The following CATSPERD variants were observed in gnomAD, a reference collection of about 807,000 sequenced individuals.
CATSPERD encodes cation channel sperm-associated auxiliary subunit delta.
CATSPERD carries 86 observed loss-of-function variants against 98.1 expected under a neutral mutation model. That is an observed-to-expected ratio of 0.88 (90% CI 0.74 to 1.05). The LOEUF (loss-of-function observed/expected upper bound fraction) is 1.05. Ranked by LOEUF, CATSPERD falls within the 50% of genes least tolerant of loss-of-function variation. The pLI, the probability that CATSPERD is intolerant of heterozygous loss-of-function variation, is 0.00. For missense variants in CATSPERD, 995 were observed against 1,005.7 expected (o/e 0.99, Z 0.14); for synonymous variants, 394 against 390.2 (o/e 1.01, Z -0.12).
At chr19:5,738,048 A>G (rs1162692318) in intron 6 of CATSPERD, among the ~76,000 whole-genome samples, 1 of 152,004 alleles carries the variant, frequency 6.6e-6, no homozygotes, top group East Asian at 1.9e-4. Flanking sequence ...AACAACGTAT[A>G]GGTTAGAGGT....
At position 5,768,225 on chromosome 19, in the gene CATSPERD, C is replaced by G. The variant is rs776796799; in HGVS notation, c.1617C>G (p.Tyr539Ter). 19 of 1,613,300 alleles carry G rather than the reference C, an allele frequency of 1.2e-5. No individual in the cohort carries two copies. Among genetic ancestry groups the G allele is most frequent in the Non-Finnish European group, 1.4e-5 (17 of 1,179,504 alleles). ...ACCCCTTGACCCTGCAAGACAATTA[C>G]AGCTTCATCATCGAGAAGTAAGCCA... ...ILDPLTLQDN[Y>*]SFIIEKEFYD... Residue 539 changes from tyrosine (Y) to a stop codon, truncating the protein, a stop_gained, in exon 18 of 22, where the codon TAC (tyrosine) becomes TAG (stop). Coordinates refer to ENST00000381624, the MANE Select transcript of CATSPERD (RefSeq NM_152784.4). LOFTEE classifies it high-confidence loss of function.
chr19:5,766,118 G>T lies in CATSPERD; in HGVS notation c.1522G>T (p.Val508Phe). 6.2e-7 allele frequency: 1 copy of T among 1,613,182 alleles called. No individual in the cohort carries two copies. The highest frequency in any genetic ancestry group is 1.6e-4 in the Middle Eastern group (1 of 6,062). ...TCCTCTGCAGTCGACACTGATTTCA[G>T]TTGGCTGCGACCTGGATAAAAAGAT... ...DIKPLSTLIS[V>F]GCDLDKKIVI... is the part of the protein sequence containing the mutation. Residue 508 changes from valine (V) to phenylalanine (F), a missense_variant, in exon 17 of 22, where the codon GTT becomes TTT. Physicochemically the swap from Val to Phe is conservative, Grantham distance 50. Transcript: ENST00000381624.
chr19:5,762,987 G>A (rs1296581617), intron 15 of CATSPERD, among the ~76,000 whole-genome samples: 2 of 151,224 alleles, frequency 1.3e-5, no homozygotes, highest in Admixed American at 1.3e-4. Flanking sequence ...GTGGGTGGAT[G>A]GAATGGATGG....
intron 4 of CATSPERD, among the ~76,000 whole-genome samples, chr19:5,732,850 G>C (rs2055755025): frequency 6.6e-6 from 1 of 151,740 alleles, no homozygotes; most frequent in Non-Finnish European, 1.5e-5. Context: ...TAATTTTTTT[G>C]TATTTTTAGT....
At position 5,724,875 on chromosome 19, in the gene CATSPERD, A is replaced by G. The variant is rs201888644; in HGVS notation, c.126+13A>G. ...GGACGTTCAAGGGGTATGTGGCTCC[A>G]TGCTTAAATTCATCCTTCACTTTTG... On this transcript the variant is annotated intron_variant, in intron 2 of 21. Transcript: ENST00000381624. 1.1e-4 allele frequency: 179 copies of G among 1,613,330 alleles called. No homozygotes were observed. In the African/African-American group the frequency reaches 2.1e-3, roughly 19 times the overall value.
intron 18 of CATSPERD, 127 bp from the exon 19 acceptor site, chr19:5,770,817 C>G: frequency 8.8e-7 from 1 of 1,136,664 alleles, no homozygotes. Context: ...TCGCCCACCT[C>G]AGATGCCACC....
intron 5 of CATSPERD, among the ~76,000 whole-genome samples, chr19:5,736,414 C>T (rs950571768): frequency 6.6e-6 from 1 of 152,112 alleles, no homozygotes; most frequent in African/African-American, 2.4e-5. Flanking sequence ...GCTGAGAAAC[C>T]CTGTTCTGAA....
intron 5 of CATSPERD, 59 bp downstream of exon 5, chr19:5,734,029 G>A (rs2055790253): frequency 2.0e-6 from 2 of 1,004,564 alleles, no homozygotes; most frequent in Non-Finnish European, 3.0e-6. Flanking sequence ...AGAGAAGAGG[G>A]TATTAGTGTT....
chr19:5,737,660 C>G (rs1044887635), intron 6 of CATSPERD, among the ~76,000 whole-genome samples: 3 of 151,578 alleles, frequency 2.0e-5, no homozygotes, highest in Non-Finnish European at 4.4e-5. Context: ...ACCAGCCTGG[C>G]CAACATGGCA....
chr19:5,730,197 G>A (rs1259577550), intron 4 of CATSPERD, among the ~76,000 whole-genome samples: 2 of 152,074 alleles, frequency 1.3e-5, no homozygotes, highest in South Asian at 2.1e-4. Context: ...CCTTACATTG[G>A]TTATATTATA....
Position 5,778,514 on chromosome 19 carries a change from G to C in CATSPERD, c.2235G>C (p.Lys745Asn). Residue 745 changes from lysine (K) to asparagine (N), a missense_variant, in exon 22 of 22, where the codon AAG becomes AAC. By Grantham distance (94) the Lys-to-Asn change is moderately conservative. Transcript: ENST00000381624. The stretch of plus-strand genomic sequence containing the variant: ...TTTGGCTGGCCTACAAGACCCCCAA[G>C]CTGCTACGCACAGCACGCGGCCGCA... The part of the protein sequence containing the change: ...GSVWLAYKTP[K>N]LLRTARGRRI... The C allele has an allele frequency of 6.2e-7, 1 of 1,614,010 alleles. No individual in the cohort carries two copies.
At chr19:5,755,405 T>C (rs766903591) in intron 13 of CATSPERD, among the ~76,000 whole-genome samples, 16 of 152,146 alleles carry the variant, frequency 1.1e-4, no homozygotes, top group Non-Finnish European at 1.8e-4. Context: ...AAAACTATTA[T>C]ACTCAATAGA....
chr19:5,731,599 C>G (rs1285102067), intron 4 of CATSPERD, among the ~76,000 whole-genome samples: 12 of 85,718 alleles, frequency 1.4e-4, no homozygotes, highest in African/African-American at 2.3e-4. Context: ...GACGGAGTCT[C>G]GCTCTGTCAC....
intron 13 of CATSPERD, 146 bp downstream of exon 13, chr19:5,754,391 G>GTA: frequency 2.6e-5 from 7 of 273,746 alleles, no homozygotes; most frequent in East Asian, 6.7e-5. Flanking sequence ...TTGTCTCTGT[G>GTA]TCTTTTTTTT....
chr19:5,739,928 A>G (rs1250800749), intron 7 of CATSPERD, among the ~76,000 whole-genome samples: 1 of 151,972 alleles, frequency 6.6e-6, no homozygotes, highest in Admixed American at 6.6e-5. Flanking sequence ...TTAGAGACAA[A>G]AAGTTTTAGG....
At chr19:5,766,288 T>TCA in intron 17 of CATSPERD, 133 bp downstream of exon 17, 1 of 195,848 alleles carries the variant, frequency 5.1e-6, no homozygotes, top group Non-Finnish European at 8.4e-6. Context: ...CCGTCTCTAC[T>TCA]GAAAAAAAAA....
At chr19:5,750,916 CT>C (rs2056200626) in intron 11 of CATSPERD, among the ~76,000 whole-genome samples, 1 of 151,176 alleles carries the variant, frequency 6.6e-6, no homozygotes, top group African/African-American at 2.4e-5. Context: ...CCTCTACCTT[CT>C]TTCAATCTGC....
chr19:5,736,998 A>G (rs982385738), intron 5 of CATSPERD, 140 bp from the exon 6 acceptor site: 32 of 501,878 alleles, frequency 6.4e-5, no homozygotes, highest in African/African-American at 4.7e-4. Context: ...TGGAGCTTGC[A>G]GTGAGCCAGG....
In CATSPERD at chr19:5,756,672, C is replaced by T. The variant is rs372169964; in HGVS notation, c.1279-1171C>T. On this transcript the variant is annotated intron_variant, in intron 13 of 21. Transcript: ENST00000381624. The stretch of plus-strand genomic sequence containing the variant: ...ATTAAATGCATTTTCAGGCCAGGCA[C>T]GGTGGCTCACACCTGTAATCCCAGC... 2.1e-3 allele frequency among the ~76,000 whole-genome samples: 325 copies of T among 152,158 alleles called. 3 individuals are homozygous for T. The highest frequency in any genetic ancestry group is 7.5e-3 in the South Asian group (36 of 4,816).
Sources: allele counts gnomAD v4.1 joint callset (sites outside exome capture counted in the v4.1 genomes callset), GRCh38; gene constraint gnomAD v4.1.1; transcripts MANE v1.5; gene names NCBI Gene and HGNC (gene_info 2026-07-23, HGNC 2026-07-21).